HOMER1: variants seen among roughly 807,000 people sequenced by gnomAD.
HOMER1 encodes homer scaffold protein 1.
HOMER1 carries 3 observed loss-of-function variants against 48.9 expected under a neutral mutation model. The ratio of observed to expected loss-of-function variants is 0.06; its 90% CI spans 0.03 to 0.16. The LOEUF is 0.16. Ranked by LOEUF, HOMER1 falls within the 10% of genes least tolerant of loss-of-function variation. The probability of loss-of-function intolerance (pLI) is 1.00; values close to 1 mark genes in which losing one functional copy is unlikely to be tolerated. For missense variants in HOMER1, 247 were observed against 411.4 expected (o/e 0.60, Z 3.46); for synonymous variants, 134 against 146.4 (o/e 0.92, Z 0.61).
rs189818331 is a variant in HOMER1, at chr5:79,484,686, T to C, written c.6-27668A>G. 6.0e-4 allele frequency among the ~76,000 whole-genome samples: 91 copies of C among 152,296 alleles called. 4 individuals are homozygous for C. Among genetic ancestry groups the C allele is most frequent in the African/African-American group, 2.0e-3 (85 of 41,572 alleles). ...ATCATTTTAAATATAAAGACACCTA[T>C]AGGTTAAAAGAGGATGAAAAAAGAT... On this transcript the variant is annotated intron_variant, in intron 1 of 8. Transcript: ENST00000334082.
intron 5 of HOMER1, among the ~76,000 whole-genome samples, chr5:79,431,315 T>C (rs1344789218): frequency 6.6e-6 from 1 of 151,894 alleles, no homozygotes; most frequent in Non-Finnish European, 1.5e-5. Flanking sequence ...AGAGCAAGAC[T>C]CAAAACAAAC....
chr5:79,438,492 C>G (rs1367901467), intron 5 of HOMER1, among the ~76,000 whole-genome samples: 1 of 152,074 alleles, frequency 6.6e-6, no homozygotes, highest in Non-Finnish European at 1.5e-5. Flanking sequence ...ATAAATCTGC[C>G]ATTAACATTA....
intron 8 of HOMER1, among the ~76,000 whole-genome samples, chr5:79,383,384 ATCT>A (rs2112193328): frequency 6.7e-6 from 1 of 150,228 alleles, no homozygotes; most frequent in African/African-American, 2.5e-5. Context: ...TTTACAGAAC[ATCT>A]TTTTTTTTTT....
Position 79,406,048 on chromosome 5 carries a change from C to G in HOMER1, c.528-3993G>C, listed in dbSNP as rs536319443. On this transcript the variant is annotated intron_variant, in intron 5 of 8. Coordinates refer to ENST00000334082, the MANE Select transcript of HOMER1 (RefSeq NM_004272.5). ...AAGGTTGGTATTCCTGAACTAGTTGCCTTGTTTTGGCGTAATTTACAAGTT... is the reference window on the plus strand; with the variant it reads ...AAGGTTGGTATTCCTGAACTAGTTGGCTTGTTTTGGCGTAATTTACAAGTT... Among the ~76,000 whole-genome samples the G allele has an allele frequency of 5.9e-5, 9 of 152,218 alleles. No individual in the cohort carries two copies. The South Asian group carries it at 1.9e-3, about 32-fold the overall frequency.
At chr5:79,378,159 T>C (rs552475348) in intron 8 of HOMER1, among the ~76,000 whole-genome samples, 69 of 137,168 alleles carry the variant, frequency 5.0e-4, no homozygotes, top group Middle Eastern at 4.0e-3. Context: ...GCAGAGGTTG[T>C]GGTGAGCCGA....
At chr5:79,430,021 CAA>C (rs60012975) in intron 5 of HOMER1, among the ~76,000 whole-genome samples, 38 of 117,026 alleles carry the variant, frequency 3.2e-4, no homozygotes, top group Non-Finnish European at 4.8e-4. Context: ...AGACTCTTCT[CAA>C]AAAAAAAAAA....
At position 79,447,163 on chromosome 5, in the gene HOMER1, A is replaced by C; in HGVS notation, c.295-18T>G. 6.9e-7 allele frequency: 1 copy of C among 1,456,824 alleles called. No individual in the cohort carries two copies. The highest frequency in any genetic ancestry group is 9.6e-7 in the Non-Finnish European group (1 of 1,038,466). The allele number at this position is 1,456,824 out of a possible 1,614,324, so 90.2% of individuals were successfully genotyped here. ...TCTGCAAACTGAATGTATAGAGACTACATACATTAACCAAATAAAAATAGG... is the reference window on the plus strand; with the variant it reads ...TCTGCAAACTGAATGTATAGAGACTCCATACATTAACCAAATAAAAATAGG... On this transcript the variant is annotated intron_variant, in intron 3 of 8. Coordinates refer to ENST00000334082, the MANE Select transcript of HOMER1 (RefSeq NM_004272.5).
chr5:79,444,004 A>T (rs1246086400), intron 4 of HOMER1, among the ~76,000 whole-genome samples: 1 of 152,066 alleles, frequency 6.6e-6, no homozygotes. Context: ...AGTCTCTTAC[A>T]CCTCCCTCAA....
chr5:79,399,889 C>T (rs1248321437), intron 6 of HOMER1, among the ~76,000 whole-genome samples: 1 of 151,964 alleles, frequency 6.6e-6, no homozygotes, highest in African/African-American at 2.4e-5. Context: ...GGAAACAATA[C>T]CTGATAGAAA....
chr5:79,494,673 A>G (rs915307475), intron 1 of HOMER1, among the ~76,000 whole-genome samples: 1 of 152,234 alleles, frequency 6.6e-6, no homozygotes, highest in African/African-American at 2.4e-5. Context: ...GTTCGAGACC[A>G]GCCTGACCAA....
intron 8 of HOMER1, among the ~76,000 whole-genome samples, chr5:79,381,219 A>G (rs1748962794): frequency 1.3e-5 from 2 of 152,208 alleles, no homozygotes; most frequent in Non-Finnish European, 2.9e-5. Context: ...CTAAGCCACT[A>G]AGAAAATCAC....
chr5:79,455,398 T>C (rs529053005), intron 2 of HOMER1, among the ~76,000 whole-genome samples: 1 of 152,270 alleles, frequency 6.6e-6, no homozygotes, highest in South Asian at 2.1e-4. Context: ...AATGCTGTTC[T>C]TGTGATAGTG....
rs1748705493 is a variant in HOMER1, at chr5:79,374,359, G to C, written c.*1650C>G. The stretch of plus-strand genomic sequence containing the variant: ...CAGAGACACCTGAAAACTCACTTAA[G>C]AAACTAACTTCAGAAACAAACCATT... On this transcript the variant is annotated 3_prime_UTR_variant, in exon 9 of 9. Coordinates refer to ENST00000334082, the MANE Select transcript of HOMER1 (RefSeq NM_004272.5). The C allele has an allele frequency of 6.6e-6, 1 of 152,256 alleles. No homozygotes were observed. The highest frequency in any genetic ancestry group is 1.5e-5 in the Non-Finnish European group (1 of 67,828). 9.4% of individuals were successfully genotyped at this position (152,256 alleles called of 1,614,324 possible). A position where few individuals can be genotyped will look rare whatever the true frequency, so the allele number is the denominator to read the frequency against.
chr5:79,409,390 C>T (rs975929673), intron 5 of HOMER1, among the ~76,000 whole-genome samples: 2 of 149,052 alleles, frequency 1.3e-5, no homozygotes, highest in East Asian at 3.9e-4. Context: ...CAAGACTGCT[C>T]CGTTGCACCC....
Position 79,379,248 on chromosome 5 carries a change from ATATC to A in HOMER1, c.877-3055_877-3052del, listed in dbSNP as rs1292228366. Among the ~76,000 whole-genome samples the A allele has an allele frequency of 1.9e-4, 13 of 67,752 alleles. No individual in the cohort carries two copies. The East Asian group carries it at 2.9e-3, about 15-fold the overall frequency. 44.4% of individuals were successfully genotyped at this position (67,752 alleles called of 152,430 possible). On this transcript the variant is annotated intron_variant, in intron 8 of 8. Transcript: ENST00000334082. Reference sequence around the variant, plus strand: ...CTATAATATATATTATATATTATATATATCTATTATATATATTATATATTATATA... The same window carrying A: ...CTATAATATATATTATATATTATATATATTATATATATTATATATTATATA...
chr5:79,391,331 T>C (rs1020609371), intron 8 of HOMER1, among the ~76,000 whole-genome samples: 1 of 151,902 alleles, frequency 6.6e-6, no homozygotes, highest in Non-Finnish European at 1.5e-5. Context: ...GGTCTCACCA[T>C]GTTGTCCAGT....
chr5:79,417,736 C>T (rs760836674), intron 5 of HOMER1, among the ~76,000 whole-genome samples: 15 of 152,096 alleles, frequency 9.9e-5, no homozygotes, highest in Non-Finnish European at 2.2e-4. Context: ...TTTGATTTAA[C>T]TTTGGAGACA....
chr5:79,406,157 T>C (rs1317895813), intron 5 of HOMER1, among the ~76,000 whole-genome samples: 3 of 152,214 alleles, frequency 2.0e-5, no homozygotes, highest in Non-Finnish European at 2.9e-5. Context: ...CGCTTGACTG[T>C]TGAAATATAT....
rs539659795 is a variant in HOMER1 at position 79,453,605 on chromosome 5, C to T, written c.163-2484G>A. On this transcript the variant is annotated intron_variant, in intron 2 of 8. Coordinates refer to ENST00000334082, the MANE Select transcript of HOMER1 (RefSeq NM_004272.5). Reference sequence around the variant, plus strand: ...TCTGAAAATAAATATGTCTCTCAACCCTGGAGTTCTAGTCCTTTTAAGGAA... The same window carrying T: ...TCTGAAAATAAATATGTCTCTCAACTCTGGAGTTCTAGTCCTTTTAAGGAA... Among the ~76,000 whole-genome samples, 10 of 152,040 alleles carry T rather than the reference C, an allele frequency of 6.6e-5. No homozygotes were observed. The South Asian group carries it at 1.9e-3, about 29-fold the overall frequency.
Sources: gnomAD v4.1 joint callset for allele counts (sites outside exome capture counted in the v4.1 genomes callset) on GRCh38, gnomAD v4.1.1 for gene constraint, MANE v1.5 for transcripts, NCBI Gene and HGNC (gene_info 2026-07-23, HGNC 2026-07-21) for gene names.